The following CACNA1E variants were observed in gnomAD, a reference collection of about 807,000 sequenced individuals.
CACNA1E encodes the protein voltage-dependent R-type calcium channel subunit alpha-1E.
In CACNA1E, 40 loss-of-function variants were observed where a neutral mutation model predicts 259.2. The observed-to-expected ratio is 0.15, with a 90% CI of 0.12 to 0.20. CACNA1E has a LOEUF of 0.20. Ranked by LOEUF, CACNA1E falls within the 10% of genes least tolerant of loss-of-function variation. CACNA1E has a pLI of 1.00. For missense variants in CACNA1E, 1,874 were observed against 3,040.1 expected (o/e 0.62, Z 9.02); for synonymous variants, 1,104 against 1,138.5 (o/e 0.97, Z 0.61).
At chr1:181,747,491 T>TACCA (rs1657203748) in intron 25 of CACNA1E, among the ~76,000 whole-genome samples, 1 of 150,320 alleles carries the variant, frequency 6.7e-6, no homozygotes, top group South Asian at 2.1e-4. Flanking sequence ...GCCAGGAACT[T>TACCA]ACCAAATAAA....
At chr1:181,423,480 G>T (rs1658913164) in intron 2 of CACNA1E, among the ~76,000 whole-genome samples, 1 of 152,174 alleles carries the variant, frequency 6.6e-6, no homozygotes, top group South Asian at 2.1e-4. Context: ...AACCAGTCCT[G>T]CAAGTCCCAC....
At chr1:181,640,346 T>G (rs1345118320) in intron 6 of CACNA1E, among the ~76,000 whole-genome samples, 1 of 152,204 alleles carries the variant, frequency 6.6e-6, no homozygotes, top group Admixed American at 6.5e-5. Flanking sequence ...GTAGACTTAT[T>G]GAGCATGTCT....
chr1:181,330,877 G>A (rs528267422), intron 1 of CACNA1E, among the ~76,000 whole-genome samples: 1 of 152,296 alleles, frequency 6.6e-6, no homozygotes, highest in South Asian at 2.1e-4. Flanking sequence ...TTTGTGTAAA[G>A]ATTGAATCAG....
intron 1 of CACNA1E, among the ~76,000 whole-genome samples, chr1:181,375,367 T>TC (rs879644544): frequency 5.3e-5 from 8 of 152,100 alleles, no homozygotes; most frequent in Admixed American, 2.6e-4. Flanking sequence ...GATGTTTATG[T>TC]CCCCCCAACA....
rs559124175 is a variant in CACNA1E, at chr1:181,593,154, G to A, written c.951+12378G>A. On this transcript the variant is annotated intron_variant, in intron 6 of 47. Coordinates refer to ENST00000367573, the MANE Select transcript of CACNA1E (RefSeq NM_001205293.3). ...TATACGAAAGTGCTTTGAAAAAGAC[G>A]TTCAGCCCTCACTATATGAGTGTAC... Among the ~76,000 whole-genome samples the A allele has an allele frequency of 3.4e-4, 52 of 152,314 alleles. 1 individual carries two copies. The highest frequency in any genetic ancestry group is 1.2e-3 in the African/African-American group (48 of 41,556).
At chr1:181,366,385 A>G (rs1654269298) in intron 1 of CACNA1E, among the ~76,000 whole-genome samples, 1 of 152,204 alleles carries the variant, frequency 6.6e-6, no homozygotes, top group Non-Finnish European at 1.5e-5. Context: ...CACGAGACCT[A>G]GTTGTCTCAA....
At chr1:181,521,201 T>A (rs764833277) in intron 3 of CACNA1E, among the ~76,000 whole-genome samples, 3 of 152,204 alleles carry the variant, frequency 2.0e-5, no homozygotes, top group Non-Finnish European at 4.4e-5. Flanking sequence ...GGGTGGCTGC[T>A]TCACATGTCA....
At chr1:181,531,207 C>T (rs923924459) in intron 3 of CACNA1E, among the ~76,000 whole-genome samples, 2 of 152,146 alleles carry the variant, frequency 1.3e-5, no homozygotes, top group East Asian at 3.9e-4. Flanking sequence ...AATGGGATTC[C>T]CCTGTCTTTT....
At chr1:181,713,560 TCA>T (rs1434442490) in intron 8 of CACNA1E, among the ~76,000 whole-genome samples, 4 of 152,212 alleles carry the variant, frequency 2.6e-5, no homozygotes, top group Non-Finnish European at 4.4e-5. Flanking sequence ...TTATGTACTC[TCA>T]GTTTTATCTG....
At chr1:181,578,878 C>A (rs1362541661) in intron 4 of CACNA1E, among the ~76,000 whole-genome samples, 194 bp from the exon 5 acceptor site, 1 of 152,210 alleles carries the variant, frequency 6.6e-6, no homozygotes, top group East Asian at 1.9e-4. Context: ...AACTTTATCC[C>A]AGCTCTTGAA....
chr1:181,575,131 A>G (rs1336914043), intron 3 of CACNA1E, among the ~76,000 whole-genome samples: 1 of 152,184 alleles, frequency 6.6e-6, no homozygotes, highest in East Asian at 1.9e-4. Context: ...GGAGTTAGGA[A>G]GCTGCCAGTG....
chr1:181,393,428 G>A lies in CACNA1E; in HGVS notation c.-14-19705G>A, dbSNP rs181960544. Among the ~76,000 whole-genome samples, 619 of 152,256 alleles carry A rather than the reference G, an allele frequency of 4.1e-3. 19 individuals are homozygous for A. In the South Asian group the frequency reaches 0.075, roughly 18 times the overall value. On this transcript the variant is annotated intron_variant, in intron 1 of 11. Transcript: ENST00000524607. Reference sequence around the variant, plus strand: ...TTTATGTCGTCTTCAAGGCTTTGAGGATGGAACTGTTGGAGGGGTAGGTGA... The same window carrying A: ...TTTATGTCGTCTTCAAGGCTTTGAGAATGGAACTGTTGGAGGGGTAGGTGA...
chr1:181,629,370 A>G (rs3889959), intron 6 of CACNA1E, among the ~76,000 whole-genome samples: 2,421 of 152,282 alleles, frequency 0.016, 50 homozygotes, highest in African/African-American at 0.051. Flanking sequence ...TTTCTCTCCA[A>G]CTTTTCTATC....
chr1:181,345,612 A>G (rs1652530941), intron 1 of CACNA1E, among the ~76,000 whole-genome samples: 1 of 152,168 alleles, frequency 6.6e-6, no homozygotes, highest in Admixed American at 6.5e-5. Flanking sequence ...GGAGACATAG[A>G]TGAACACGCT....
chr1:181,426,726 C>T (rs1441300402), intron 2 of CACNA1E, among the ~76,000 whole-genome samples: 3 of 149,094 alleles, frequency 2.0e-5, no homozygotes, highest in East Asian at 2.0e-4. Context: ...CCCATCTCAA[C>T]CCCTTCACAA....
At chr1:181,391,941 CTCTCTGTGTGTGTG>C (rs1249057897) in intron 1 of CACNA1E, among the ~76,000 whole-genome samples, 110 of 116,884 alleles carry the variant, frequency 9.4e-4, no homozygotes, top group African/African-American at 4.2e-3. Context: ...CTCTCTCTCT[CTCTCTGTGTGTGTG>C]TGTGTGTGTG....
At chr1:181,341,420 T>TA (rs988064087) in intron 1 of CACNA1E, among the ~76,000 whole-genome samples, 19 of 152,230 alleles carry the variant, frequency 1.2e-4, no homozygotes, top group African/African-American at 4.1e-4. Flanking sequence ...TCTTAGAGAA[T>TA]AATGAAACAC....
intron 2 of CACNA1E, among the ~76,000 whole-genome samples, chr1:181,467,314 G>A (rs933627084): frequency 2.6e-5 from 4 of 152,186 alleles, no homozygotes; most frequent in Non-Finnish European, 4.4e-5. Flanking sequence ...AGAAGGGAAA[G>A]AAAACAGAAT....
At chr1:181,643,044 T>C (rs1657943059) in intron 6 of CACNA1E, among the ~76,000 whole-genome samples, 1 of 152,232 alleles carries the variant, frequency 6.6e-6, no homozygotes, top group African/African-American at 2.4e-5. Flanking sequence ...CATTTTTCAC[T>C]GTTTTGACTA....
Sources: allele counts gnomAD v4.1 joint callset (sites outside exome capture counted in the v4.1 genomes callset), GRCh38; gene constraint gnomAD v4.1.1; transcripts MANE v1.5; gene names NCBI Gene and HGNC (gene_info 2026-07-23, HGNC 2026-07-21).